HEATR4: variants seen among roughly 807,000 people sequenced by gnomAD.
The protein encoded by HEATR4 is HEAT repeat containing 4.
HEATR4 carries 95 observed loss-of-function variants against 108.8 expected under a neutral mutation model. The observed-to-expected ratio is 0.87, with a 90% CI of 0.74 to 1.04. The LOEUF (loss-of-function observed/expected upper bound fraction) is 1.04. Ranked by LOEUF, HEATR4 falls within the 50% of genes least tolerant of loss-of-function variation. The pLI, the probability that HEATR4 is intolerant of heterozygous loss-of-function variation, is 0.00. For synonymous variants in HEATR4, 443 were observed against 459.4 expected (o/e 0.96, Z 0.46); for missense variants, 1,152 against 1,253.8 (o/e 0.92, Z 1.23).
chr14:73,533,562 C>G (rs1283631977), intron 1 of HEATR4, among the ~76,000 whole-genome samples: 1 of 113,070 alleles, frequency 8.8e-6, no homozygotes, highest in Non-Finnish European at 1.9e-5. Flanking sequence ...GCCTGTAGTC[C>G]CAGCTACCTG....
At chr14:73,503,810 G>A (rs528568238) in intron 10 of HEATR4, among the ~76,000 whole-genome samples, 3 of 152,062 alleles carry the variant, frequency 2.0e-5, no homozygotes, top group Non-Finnish European at 2.9e-5. Context: ...CTAGTGCGTC[G>A]GATGTGGTCA....
the HEATR4 span, among the ~76,000 whole-genome samples, chr14:73,631,016 G>C: frequency 1.3e-5 from 2 of 152,154 alleles, no homozygotes; most frequent in Non-Finnish European, 2.9e-5. Context: ...AAGAAAACAG[G>C]GTTGTTGGAT....
intron 16 of HEATR4, 45 bp from the exon 17 acceptor site, chr14:73,493,169 C>T (rs1045137603): frequency 2.6e-6 from 4 of 1,529,996 alleles, no homozygotes; most frequent in African/African-American, 2.7e-5. Context: ...GAAAAAAAAC[C>T]CTTGATCCGT....
the HEATR4 span, chr14:73,573,462 C>T: frequency 6.2e-7 from 1 of 1,613,698 alleles, no homozygotes; most frequent in East Asian, 2.2e-5. Flanking sequence ...GGCTAGTCTG[C>T]TGGCTGGGAA....
chr14:73,503,796 G>A (rs1425352372), intron 10 of HEATR4, among the ~76,000 whole-genome samples: 1 of 152,144 alleles, frequency 6.6e-6, no homozygotes, highest in African/African-American at 2.4e-5. Flanking sequence ...GGGTAGCATA[G>A]TGCCTAGTGC....
chr14:73,578,258 C>T, the HEATR4 span, among the ~76,000 whole-genome samples: 10 of 136,910 alleles, frequency 7.3e-5, no homozygotes, highest in African/African-American at 2.8e-4. Context: ...GAGACAGGAT[C>T]TCTCACCCAG....
intron 17 of HEATR4, among the ~76,000 whole-genome samples, chr14:73,481,364 G>A (rs1168242437): frequency 2.0e-5 from 3 of 152,052 alleles, no homozygotes; most frequent in South Asian, 2.1e-4. Flanking sequence ...ACTTGAACCC[G>A]GGAGTGAGAT....
At position 73,538,069 on chromosome 14, in the gene HEATR4, C is replaced by A. The variant is rs1423681274; in HGVS notation, c.-151-7825G>T. Reference sequence around the variant, plus strand: ...CTTGAACTCCTGGACCCAAGCTATCCTCCCGCCTCTGCCTCCCCAAGAGCT... The same window carrying A: ...CTTGAACTCCTGGACCCAAGCTATCATCCCGCCTCTGCCTCCCCAAGAGCT... On this transcript the variant is annotated intron_variant, in intron 1 of 17. Coordinates refer to ENST00000553558, the MANE Select transcript of HEATR4 (RefSeq NM_001220484.1). Among the ~76,000 whole-genome samples, 3 of 113,512 alleles carry A rather than the reference C, an allele frequency of 2.6e-5. 1 individual carries two copies. Among genetic ancestry groups the A allele is most frequent in the African/African-American group, 5.7e-5 (2 of 34,932 alleles). 74.5% of individuals were successfully genotyped at this position (113,512 alleles called of 152,430 possible). A position where few individuals can be genotyped will look rare whatever the true frequency, so the allele number is the denominator to read the frequency against.
chr14:73,516,824 G>A (rs560435984), intron 5 of HEATR4, among the ~76,000 whole-genome samples: 8 of 152,154 alleles, frequency 5.3e-5, no homozygotes, highest in African/African-American at 7.2e-5. Context: ...TCTAGGCTGC[G>A]CACCCTTTAT....
chr14:73,610,220 T>G, the HEATR4 span, among the ~76,000 whole-genome samples: 1 of 151,686 alleles, frequency 6.6e-6, no homozygotes, highest in African/African-American at 2.4e-5. Context: ...AGTAGTCTCC[T>G]GGGCCTAATG....
chr14:73,532,272 T>C (rs75114063), intron 1 of HEATR4, among the ~76,000 whole-genome samples: 111,833 of 113,042 alleles, frequency 0.99, 55,690 homozygotes, highest in East Asian at 1. Flanking sequence ...AGTTCAATCC[T>C]ATTTTCCCTG....
intron 1 of HEATR4, among the ~76,000 whole-genome samples, chr14:73,554,590 T>A (rs10873256): frequency 0.55 from 61,974 of 113,030 alleles, 24,742 homozygotes; most frequent in African/African-American, 0.69. Context: ...ATGGTTACTA[T>A]GTGTAAAATA....
chr14:73,519,175 CAAAG>C lies in HEATR4; in HGVS notation c.1070-16_1070-13del, dbSNP rs749141823. 3.7e-6 allele frequency: 6 copies of C among 1,607,710 alleles called. No homozygotes were observed. The highest frequency in any genetic ancestry group is 2.7e-5 in the African/African-American group (2 of 74,628). ...GATCTGGACTTCATCTGTGAACAGACAAAGAAACAATGAGTCCCCTATAACCTCC... is the reference window on the plus strand; with the variant it reads ...GATCTGGACTTCATCTGTGAACAGACAAACAATGAGTCCCCTATAACCTCC... On this transcript the variant is annotated splice_polypyrimidine_tract_variant and intron_variant, in intron 4 of 17. Transcript: ENST00000553558.
intron 12 of HEATR4, among the ~76,000 whole-genome samples, chr14:73,499,648 T>G (rs1886315893): frequency 6.6e-6 from 1 of 152,182 alleles, no homozygotes. Flanking sequence ...CTGAATTATC[T>G]GCTATTGATT....
At chr14:73,602,745 C>A in the HEATR4 span, among the ~76,000 whole-genome samples, 1 of 152,208 alleles carries the variant, frequency 6.6e-6, no homozygotes, top group East Asian at 1.9e-4. Flanking sequence ...TAATATCATT[C>A]ACTAAAATAT....
the HEATR4 span, chr14:73,595,358 C>T: frequency 6.2e-7 from 1 of 1,614,206 alleles, no homozygotes; most frequent in Non-Finnish European, 8.5e-7. Context: ...CATTGTTGGT[C>T]AGGATGACCA....
upstream of HEATR4, among the ~76,000 whole-genome samples, chr14:73,563,154 C>T (rs139483173): frequency 0.021 from 3,140 of 150,522 alleles, 92 homozygotes; most frequent in South Asian, 0.094. Flanking sequence ...TCACCCCCAG[C>T]GGCCCAGGTG....
chr14:73,522,196 G>A, intron 3 of HEATR4, 76 bp downstream of exon 3: 1 of 1,451,960 alleles, frequency 6.9e-7, no homozygotes, highest in South Asian at 1.3e-5. Flanking sequence ...GAAATCGGGA[G>A]TGTGAGTCCA....
At chr14:73,569,571 C>T in the HEATR4 span, 3 of 1,600,082 alleles carry the variant, frequency 1.9e-6, no homozygotes, top group African/African-American at 1.3e-5. Flanking sequence ...TTTCCAGGCC[C>T]ACGCGCGCTA....
Sources: gnomAD v4.1 joint callset for allele counts (sites outside exome capture counted in the v4.1 genomes callset) on GRCh38, gnomAD v4.1.1 for gene constraint, MANE v1.5 for transcripts, NCBI Gene and HGNC (gene_info 2026-07-23, HGNC 2026-07-21) for gene names.